ACSS1: variants seen among roughly 807,000 people sequenced by gnomAD.
The protein encoded by ACSS1 is acyl-CoA synthetase short chain family member 1.
Under a neutral mutation model 75.3 loss-of-function variants are expected in ACSS1, and 42 were observed. The ratio of observed to expected loss-of-function variants is 0.56; its 90% CI spans 0.44 to 0.72. ACSS1 has a LOEUF of 0.72. Ranked by LOEUF, ACSS1 falls within the 30% of genes least tolerant of loss-of-function variation. The probability of loss-of-function intolerance (pLI) is 0.00; values close to 1 mark genes in which losing one functional copy is unlikely to be tolerated. For synonymous variants in ACSS1, 380 were observed against 376.8 expected, an observed-to-expected ratio of 1.01 and a Z score of -0.10; for missense variants, 782 against 935.7, an observed-to-expected ratio of 0.84 and a Z score of 2.14.
chr20:25,037,268 G>A (rs2088929091), intron 2 of ACSS1, among the ~76,000 whole-genome samples: 1 of 152,150 alleles, frequency 6.6e-6, no homozygotes, highest in Non-Finnish European at 1.5e-5. Context: ...CGCAGCAGGT[G>A]AGCATGAAGT....
At chr20:25,041,189 C>T (rs1237437274) in intron 2 of ACSS1, among the ~76,000 whole-genome samples, 2 of 147,244 alleles carry the variant, frequency 1.4e-5, no homozygotes, top group Non-Finnish European at 3.0e-5. Context: ...ACCCAGGAGG[C>T]GGAGCTTTCA....
chr20:25,008,952 C>T (rs2235848), intron 13 of ACSS1, among the ~76,000 whole-genome samples: 1 of 152,136 alleles, frequency 6.6e-6, no homozygotes, highest in African/African-American at 2.4e-5. Context: ...AGTGTGGAAA[C>T]CTGCCTAGGT....
intron 2 of ACSS1, among the ~76,000 whole-genome samples, chr20:25,043,269 T>TC (rs2089034264): frequency 6.6e-6 from 1 of 151,818 alleles, no homozygotes; most frequent in African/African-American, 2.4e-5. Context: ...TGCTTCCTGC[T>TC]CCCCCCAAGG....
chr20:25,057,336 C>A (rs2089256018), intron 1 of ACSS1, among the ~76,000 whole-genome samples: 1 of 152,232 alleles, frequency 6.6e-6, no homozygotes, highest in Non-Finnish European at 1.5e-5. Context: ...CAGTGACAAC[C>A]GCCACCGCTT....
At chr20:25,019,259 C>A (rs573262753) in intron 7 of ACSS1, among the ~76,000 whole-genome samples, 77 of 152,342 alleles carry the variant, frequency 5.1e-4, no homozygotes, top group Admixed American at 4.6e-3. Flanking sequence ...GTCACCAGCA[C>A]CCAGTCCCTC....
At chr20:25,048,698 T>C (rs2089134094) in intron 1 of ACSS1, among the ~76,000 whole-genome samples, 1 of 152,198 alleles carries the variant, frequency 6.6e-6, no homozygotes, top group Admixed American at 6.5e-5. Flanking sequence ...CCCCCACGTG[T>C]TCCACGAGCA....
At chr20:25,034,264 A>G (rs973825479) in intron 2 of ACSS1, among the ~76,000 whole-genome samples, 7 of 152,204 alleles carry the variant, frequency 4.6e-5, no homozygotes, top group African/African-American at 1.4e-4. Flanking sequence ...TTAATAGGGA[A>G]ACAGTCTACC....
chr20:25,007,042 C>T lies in ACSS1; in HGVS notation c.*720G>A, dbSNP rs1053717501. Reference sequence around the variant, plus strand: ...ACTAAGGCGGCCACATTCACCCCACCGCTTAGGAGTTAGCTCCATTATACA... The same window carrying T: ...ACTAAGGCGGCCACATTCACCCCACTGCTTAGGAGTTAGCTCCATTATACA... On this transcript the variant is annotated 3_prime_UTR_variant, in exon 14 of 14. Coordinates refer to ENST00000323482, the MANE Select transcript of ACSS1 (RefSeq NM_032501.4). The T allele has an allele frequency of 1.1e-5, 17 of 1,497,558 alleles. No individual in the cohort carries two copies. Among genetic ancestry groups the T allele is most frequent in the African/African-American group, 5.6e-5 (4 of 71,696 alleles). 92.8% of individuals were successfully genotyped at this position (1,497,558 alleles called of 1,614,324 possible).
chr20:25,024,229 C>T (rs1027015661), intron 3 of ACSS1, among the ~76,000 whole-genome samples: 3 of 152,206 alleles, frequency 2.0e-5, no homozygotes, highest in Non-Finnish European at 2.9e-5. Flanking sequence ...ACCTGCTCTT[C>T]AATGACCAAT....
chr20:25,013,047 C>G (rs2088442909), intron 10 of ACSS1, 108 bp from the exon 11 acceptor site: 1 of 1,524,662 alleles, frequency 6.6e-7, no homozygotes, highest in African/African-American at 1.4e-5. Context: ...GAAGTCTCGC[C>G]CATCGGCCCT....
Position 25,007,121 on chromosome 20 carries a change from T to A in ACSS1, c.*641A>T. ...GGAAAAGATGCCGGAGGCTTGGAAGTTCTCAAGGGAACTGTTTAGACAGAG... is the reference window on the plus strand; with the variant it reads ...GGAAAAGATGCCGGAGGCTTGGAAGATCTCAAGGGAACTGTTTAGACAGAG... On this transcript the variant is annotated 3_prime_UTR_variant, in exon 14 of 14. Coordinates refer to ENST00000323482, the MANE Select transcript of ACSS1 (RefSeq NM_032501.4). 2.1e-6 allele frequency: 3 copies of A among 1,400,382 alleles called. No individual in the cohort carries two copies. The highest frequency in any genetic ancestry group is 2.8e-6 in the Non-Finnish European group (3 of 1,079,128). 86.7% of individuals were successfully genotyped at this position (1,400,382 alleles called of 1,614,324 possible). A position where few individuals can be genotyped will look rare whatever the true frequency, so the allele number is the denominator to read the frequency against.
intron 3 of ACSS1, among the ~76,000 whole-genome samples, chr20:25,024,351 C>T (rs1190714829): frequency 6.6e-6 from 1 of 152,196 alleles, no homozygotes; most frequent in Non-Finnish European, 1.5e-5. Context: ...CCTCAAGACC[C>T]CAGGAAAAGG....
intron 7 of ACSS1, among the ~76,000 whole-genome samples, chr20:25,018,048 C>T (rs2088550885): frequency 6.6e-6 from 1 of 152,232 alleles, no homozygotes; most frequent in South Asian, 2.1e-4. Flanking sequence ...CCAAGAGAGA[C>T]CACCCAAACT....
chr20:25,056,820 C>T (rs1369094558), intron 1 of ACSS1, among the ~76,000 whole-genome samples: 1 of 152,226 alleles, frequency 6.6e-6, no homozygotes, highest in Admixed American at 6.5e-5. Flanking sequence ...TGATCAACAC[C>T]GTGTCTGCCA....
At chr20:25,025,439 C>G (rs2088698864) in intron 3 of ACSS1, among the ~76,000 whole-genome samples, 1 of 152,252 alleles carries the variant, frequency 6.6e-6, no homozygotes, top group African/African-American at 2.4e-5. Context: ...GAGCAGGTAC[C>G]AGCATCTGCG....
chr20:25,040,612 C>G (rs772419880), intron 2 of ACSS1, among the ~76,000 whole-genome samples: 6 of 152,262 alleles, frequency 3.9e-5, no homozygotes, highest in Admixed American at 6.5e-5. Context: ...TGACTTATAA[C>G]ATTTGCCAGT....
intron 7 of ACSS1, among the ~76,000 whole-genome samples, chr20:25,019,735 T>C (rs2088583341): frequency 6.6e-6 from 1 of 152,238 alleles, no homozygotes; most frequent in Non-Finnish European, 1.5e-5. Context: ...TAAGTATTCC[T>C]AATGAAGATT....
intron 7 of ACSS1, among the ~76,000 whole-genome samples, chr20:25,017,377 G>A (rs983680365): frequency 2.0e-5 from 3 of 152,180 alleles, no homozygotes; most frequent in Non-Finnish European, 2.9e-5. Context: ...GAATTGCACC[G>A]ACAGGTGTGC....
intron 1 of ACSS1, among the ~76,000 whole-genome samples, chr20:25,050,461 A>C (rs2089159982): frequency 6.6e-6 from 1 of 152,054 alleles, no homozygotes; most frequent in Non-Finnish European, 1.5e-5. Context: ...AACCAGCCTC[A>C]TAAGAAGCCC....
Sources: allele counts gnomAD v4.1 joint callset (sites outside exome capture counted in the v4.1 genomes callset), GRCh38; gene constraint gnomAD v4.1.1; transcripts MANE v1.5; gene names NCBI Gene and HGNC (gene_info 2026-07-23, HGNC 2026-07-21).